SNX30: variants seen among roughly 807,000 people sequenced by gnomAD.
SNX30 encodes the protein sorting nexin family member 30, also known as sorting nexin-30.
In SNX30, 24 loss-of-function variants were observed where a neutral mutation model predicts 46.4. The ratio of observed to expected loss-of-function variants is 0.52; its 90% CI spans 0.37 to 0.73. SNX30 has a LOEUF of 0.73. Ranked by LOEUF, SNX30 falls within the 30% of genes least tolerant of loss-of-function variation. The pLI is 0.00. For synonymous variants in SNX30, 189 were observed against 211.5 expected (o/e 0.89, Z 0.92); for missense variants, 533 against 555.7 (o/e 0.96, Z 0.41).
At chr9:112,777,694 C>T (rs1246429222) in intron 1 of SNX30, among the ~76,000 whole-genome samples, 13 of 148,198 alleles carry the variant, frequency 8.8e-5, no homozygotes, top group East Asian at 2.0e-4. Context: ...GTGATCCTCC[C>T]GCCTCAACCT....
downstream of SNX30, among the ~76,000 whole-genome samples, chr9:112,876,587 G>A (rs570650206): frequency 5.8e-4 from 88 of 152,132 alleles, no homozygotes; most frequent in African/African-American, 2.0e-3. Context: ...AGTCCATGGG[G>A]GTGGACTAGA....
At chr9:112,766,731 G>T (rs1407654576) in intron 1 of SNX30, among the ~76,000 whole-genome samples, 4 of 152,114 alleles carry the variant, frequency 2.6e-5, no homozygotes, top group African/African-American at 9.7e-5. Flanking sequence ...TTGGTGACTG[G>T]CTTATTTCAC....
At chr9:112,836,707 A>G (rs772582529) in intron 5 of SNX30, among the ~76,000 whole-genome samples, 1 of 152,248 alleles carries the variant, frequency 6.6e-6, no homozygotes, top group Non-Finnish European at 1.5e-5. Context: ...AAGTGGAGAC[A>G]TAGACTCAAC....
intron 3 of SNX30, among the ~76,000 whole-genome samples, chr9:112,821,918 A>G (rs1840504851): frequency 6.6e-6 from 1 of 152,000 alleles, no homozygotes; most frequent in Admixed American, 6.6e-5. Flanking sequence ...CAACCTCCTC[A>G]GGTATGTGTC....
At chr9:112,847,985 T>A (rs1004781974) in intron 6 of SNX30, among the ~76,000 whole-genome samples, 1 of 152,180 alleles carries the variant, frequency 6.6e-6, no homozygotes, top group Non-Finnish European at 1.5e-5. Flanking sequence ...TTGTGATTTG[T>A]TCTCTGCTGT....
chr9:112,823,773 C>T (rs1840540853), intron 3 of SNX30, among the ~76,000 whole-genome samples: 2 of 151,760 alleles, frequency 1.3e-5, no homozygotes, highest in Admixed American at 1.3e-4. Flanking sequence ...TTGGGTTCTT[C>T]TTTTTTCTAC....
At chr9:112,751,763 CT>C (rs1839281881) in intron 1 of SNX30, among the ~76,000 whole-genome samples, 2 of 152,308 alleles carry the variant, frequency 1.3e-5, no homozygotes, top group South Asian at 4.1e-4. Flanking sequence ...CTCCGACGGC[CT>C]ACCACTCTGT....
intron 1 of SNX30, among the ~76,000 whole-genome samples, chr9:112,758,980 GAA>G (rs1839398253): frequency 6.6e-6 from 1 of 152,008 alleles, no homozygotes; most frequent in African/African-American, 2.4e-5. Flanking sequence ...CACACAGAGA[GAA>G]AGAGTAAAGG....
chr9:112,836,987 C>T (rs1840765227), intron 5 of SNX30, among the ~76,000 whole-genome samples: 1 of 152,214 alleles, frequency 6.6e-6, no homozygotes, highest in South Asian at 2.1e-4. Context: ...TGCTTTGCCA[C>T]ATCCCATAAT....
chr9:112,839,732 G>A (rs1249708924), intron 6 of SNX30, among the ~76,000 whole-genome samples: 1 of 152,176 alleles, frequency 6.6e-6, no homozygotes, highest in African/African-American at 2.4e-5. Flanking sequence ...TCTCAAAGGA[G>A]ACCTCTGAAT....
intron 1 of SNX30, among the ~76,000 whole-genome samples, chr9:112,789,776 T>C (rs1839991851): frequency 6.6e-6 from 1 of 152,240 alleles, no homozygotes; most frequent in Non-Finnish European, 1.5e-5. Context: ...ATTTTGACTT[T>C]ATGATCTTGT....
intron 5 of SNX30, 58 bp downstream of exon 5, chr9:112,836,467 T>C (rs1840753399): frequency 6.5e-7 from 1 of 1,531,846 alleles, no homozygotes; most frequent in South Asian, 1.2e-5. Context: ...AGAAATGCCA[T>C]TCATGTGTGC....
At chr9:112,809,935 A>G (rs180701772) in intron 2 of SNX30, among the ~76,000 whole-genome samples, 46 of 152,108 alleles carry the variant, frequency 3.0e-4, no homozygotes, top group African/African-American at 1.1e-3. Context: ...GTTGCGCAGT[A>G]TTGGTAGAGA....
intron 7 of SNX30, among the ~76,000 whole-genome samples, chr9:112,851,531 G>A (rs1239705706): frequency 6.6e-6 from 1 of 152,218 alleles, no homozygotes; most frequent in Non-Finnish European, 1.5e-5. Flanking sequence ...AGTTCGAGCA[G>A]CACTAATCTT....
chr9:112,809,926 T>C (rs528716344), intron 2 of SNX30, among the ~76,000 whole-genome samples: 3 of 151,984 alleles, frequency 2.0e-5, no homozygotes, highest in Non-Finnish European at 2.9e-5. Flanking sequence ...TAACTGCCAG[T>C]TGCGCAGTAT....
intron 1 of SNX30, among the ~76,000 whole-genome samples, chr9:112,781,453 CT>C (rs1428030266): frequency 6.6e-6 from 1 of 151,906 alleles, no homozygotes; most frequent in Non-Finnish European, 1.5e-5. Flanking sequence ...TATGCTTTTC[CT>C]TTATGGATTC....
chr9:112,860,732 G>T (rs893573732), intron 7 of SNX30, among the ~76,000 whole-genome samples: 4 of 152,198 alleles, frequency 2.6e-5, no homozygotes, highest in Non-Finnish European at 4.4e-5. Flanking sequence ...GTGGCATAAT[G>T]TTTGGGAGAA....
At chr9:112,848,040 C>T (rs1353118503) in intron 6 of SNX30, among the ~76,000 whole-genome samples, 1 of 152,148 alleles carries the variant, frequency 6.6e-6, no homozygotes, top group South Asian at 2.1e-4. Context: ...GAAGGCAGGG[C>T]AGAAGCAGGG....
rs1282455029 is a variant in SNX30 at position 112,804,771 on chromosome 9, T to C, written c.157-5T>C. ...TAATTTTAAGGTGCTCTTTTCTTCT[T>C]TTAGGATCTCATTTTGCCCAACGGT... On this transcript the variant is annotated splice_polypyrimidine_tract_variant and splice_region_variant and intron_variant, in intron 1 of 8. Transcript: ENST00000374232. 4 of 1,597,566 alleles carry C rather than the reference T, an allele frequency of 2.5e-6. No individual in the cohort carries two copies. The highest frequency in any genetic ancestry group is 3.4e-6 in the Non-Finnish European group (4 of 1,171,216).
Sources: allele counts gnomAD v4.1 joint callset (sites outside exome capture counted in the v4.1 genomes callset), GRCh38; gene constraint gnomAD v4.1.1; transcripts MANE v1.5; gene names NCBI Gene and HGNC (gene_info 2026-07-23, HGNC 2026-07-21).